PPP6R3: variants seen among roughly 807,000 people sequenced by gnomAD.
The protein encoded by PPP6R3 is protein phosphatase 6 regulatory subunit 3.
A neutral mutation model predicts 110.7 loss-of-function variants in PPP6R3; 38 were observed. The observed-to-expected ratio is 0.34, with a 90% CI of 0.26 to 0.45. The LOEUF is 0.45. Among genes scored for constraint, PPP6R3 ranks in the 20% least tolerant of loss-of-function variants. PPP6R3 has a pLI of 1.00. For synonymous variants in PPP6R3, 369 were observed against 373.5 expected (o/e 0.99, Z 0.14); for missense variants, 870 against 1,062.4 (o/e 0.82, Z 2.52).
chr11:68,508,978 C>G (rs2099093661), intron 1 of PPP6R3, among the ~76,000 whole-genome samples: 1 of 152,196 alleles, frequency 6.6e-6, no homozygotes, highest in Non-Finnish European at 1.5e-5. Context: ...TTCATTTCCT[C>G]TAAGAGAATA....
chr11:68,598,449 C>T (rs149394645), intron 19 of PPP6R3, among the ~76,000 whole-genome samples: 1 of 152,258 alleles, frequency 6.6e-6, no homozygotes, highest in Non-Finnish European at 1.5e-5. Flanking sequence ...GTTTACCTAC[C>T]TCCCGGGGTT....
At position 68,469,673 on chromosome 11, in the gene PPP6R3, C is replaced by A. The variant is rs549104451; in HGVS notation, c.-158+8846C>A. Among the ~76,000 whole-genome samples the A allele has an allele frequency of 7.6e-4, 115 of 152,190 alleles. No individual in the cohort carries two copies. The Middle Eastern group carries it at 0.014, about 18-fold the overall frequency. ...AGATAACAGGTGTGAACTACCATGC[C>A]TGGCCTCTAATCTGTTTTTTTATTT... is the stretch of plus-strand genomic sequence containing the variant. On this transcript the variant is annotated intron_variant, in intron 1 of 23. Transcript: ENST00000393800.
intron 2 of PPP6R3, among the ~76,000 whole-genome samples, chr11:68,535,799 TAAAA>T (rs1269536453): frequency 1.3e-5 from 1 of 78,388 alleles, no homozygotes; most frequent in Admixed American, 1.5e-4. Context: ...CCGTCTCTAC[TAAAA>T]AAAAAAAAAA....
At position 68,615,177 on chromosome 11, in the gene PPP6R3, G is replaced by A. The variant is rs1384850913; in HGVS notation, c.*2060G>A. 1 of 442,614 alleles carries A rather than the reference G, an allele frequency of 2.3e-6. No homozygotes were observed. Among genetic ancestry groups the A allele is most frequent in the Non-Finnish European group, 4.6e-6 (1 of 218,236 alleles). 27.4% of individuals were successfully genotyped at this position (442,614 alleles called of 1,614,324 possible). A position where few individuals can be genotyped will look rare whatever the true frequency, so the allele number is the denominator to read the frequency against. On this transcript the variant is annotated 3_prime_UTR_variant, in exon 24 of 24. Coordinates refer to ENST00000393800, the MANE Select transcript of PPP6R3 (RefSeq NM_001164161.2). ...AGGACAGTTCTTTTGGAGGTTGGAG[G>A]GGCCAAGCCAAGGACAGGAGCAAGT...
intron 7 of PPP6R3, among the ~76,000 whole-genome samples, chr11:68,557,677 C>G (rs1343413960): frequency 1.3e-5 from 2 of 152,138 alleles, no homozygotes; most frequent in Non-Finnish European, 2.9e-5. Context: ...CACCACGAGG[C>G]CCGGCTAATT....
At chr11:68,607,797 G>A (rs1941083380) in intron 22 of PPP6R3, among the ~76,000 whole-genome samples, 1 of 148,936 alleles carries the variant, frequency 6.7e-6, no homozygotes, top group Non-Finnish European at 1.5e-5. Context: ...TTTTTAACAC[G>A]AGGTCTCGCT....
rs1944865260 is a variant in PPP6R3, at chr11:68,614,634, G to T, written c.*1517G>T. The stretch of plus-strand genomic sequence containing the variant: ...CTGATTTCCTTTTTCATTTTAAGTG[G>T]TGTGGAGATTCCAGCACTCCCAGGA... On this transcript the variant is annotated 3_prime_UTR_variant, in exon 24 of 24. Coordinates refer to ENST00000393800, the MANE Select transcript of PPP6R3 (RefSeq NM_001164161.2). The T allele has an allele frequency of 1.3e-6, 2 of 1,517,298 alleles. No individual in the cohort carries two copies. The highest frequency in any genetic ancestry group is 2.8e-5 in the African/African-American group (2 of 70,696). 94.0% of individuals were successfully genotyped at this position (1,517,298 alleles called of 1,614,324 possible).
intron 5 of PPP6R3, among the ~76,000 whole-genome samples, chr11:68,550,480 C>G (rs962407531): frequency 6.6e-6 from 1 of 152,078 alleles, no homozygotes; most frequent in African/African-American, 2.4e-5. Flanking sequence ...ATGATTTTTC[C>G]TTTATTTTTT....
At chr11:68,501,181 T>TC (rs1446074580) in intron 1 of PPP6R3, among the ~76,000 whole-genome samples, 3 of 152,270 alleles carry the variant, frequency 2.0e-5, no homozygotes, top group Non-Finnish European at 4.4e-5. Flanking sequence ...TAAGGGTTGA[T>TC]AACTCAAAAT....
intron 19 of PPP6R3, among the ~76,000 whole-genome samples, chr11:68,599,106 A>G (rs2099622742): frequency 6.6e-6 from 1 of 152,212 alleles, no homozygotes; most frequent in Non-Finnish European, 1.5e-5. Flanking sequence ...GTACTTCTTA[A>G]TCTTAGTCAC....
chr11:68,565,898 G>A (rs1438713116), intron 9 of PPP6R3, among the ~76,000 whole-genome samples: 1 of 152,116 alleles, frequency 6.6e-6, no homozygotes, highest in Admixed American at 6.5e-5. Context: ...GCAGAACTGT[G>A]GGCCTTACAG....
intron 1 of PPP6R3, among the ~76,000 whole-genome samples, chr11:68,482,705 G>GA (rs1388190627): frequency 6.6e-6 from 1 of 151,700 alleles, no homozygotes; most frequent in African/African-American, 2.4e-5. Context: ...TATTTATTTT[G>GA]AAAAAAATTA....
intron 6 of PPP6R3, 45 bp from the exon 7 acceptor site, chr11:68,554,100 A>G: frequency 7.4e-7 from 1 of 1,352,884 alleles, no homozygotes; most frequent in Non-Finnish European, 1.0e-6. Context: ...TATAAATTTA[A>G]CTTCTAACAT....
intron 3 of PPP6R3, 84 bp downstream of exon 3, chr11:68,537,975 G>T (rs2099279103): frequency 9.5e-7 from 1 of 1,047,226 alleles, no homozygotes; most frequent in Non-Finnish European, 1.4e-6. Context: ...GGATTCTCCA[G>T]TGTGACTGTT....
intron 1 of PPP6R3, among the ~76,000 whole-genome samples, chr11:68,486,275 T>G (rs972298733): frequency 6.6e-6 from 1 of 152,088 alleles, no homozygotes; most frequent in African/African-American, 2.4e-5. Flanking sequence ...TTTGGTATTA[T>G]GGTTATGCTG....
chr11:68,614,655 C>G lies in PPP6R3; in HGVS notation c.*1538C>G, dbSNP rs1944871974. On this transcript the variant is annotated 3_prime_UTR_variant, in exon 24 of 24. Coordinates refer to ENST00000393800, the MANE Select transcript of PPP6R3 (RefSeq NM_001164161.2). ...AGTGGTGTGGAGATTCCAGCACTCC[C>G]AGGACAGTGGAGTCAGCAGTAAGCC... is the stretch of plus-strand genomic sequence containing the variant. 1.3e-6 allele frequency: 2 copies of G among 1,520,016 alleles called. No homozygotes were observed. Among genetic ancestry groups the G allele is most frequent in the East Asian group, 2.4e-5 (1 of 40,848 alleles). 94.2% of individuals were successfully genotyped at this position (1,520,016 alleles called of 1,614,324 possible).
In PPP6R3 at chr11:68,519,481, CT is replaced by C. The variant is rs1018500652; in HGVS notation, c.-157-10del. 795 of 343,386 alleles carry C rather than the reference CT, an allele frequency of 2.3e-3. 1 individual carries two copies. Among genetic ancestry groups the C allele is most frequent in the Middle Eastern group, 0.019 (25 of 1,310 alleles). The allele number at this position is 343,386 out of a possible 1,614,324, so 21.3% of individuals were successfully genotyped here. A position where few individuals can be genotyped will look rare whatever the true frequency, so the allele number is the denominator to read the frequency against. On this transcript the variant is annotated intron_variant, in intron 1 of 23. Transcript: ENST00000393800. ...AAAAGAGAACATATGTGATTATCTG[CT>C]TTTTTTTTTCTTTTACAGGAGAGCT...
intron 4 of PPP6R3, among the ~76,000 whole-genome samples, chr11:68,547,454 C>T (rs149845679): frequency 1.3e-5 from 2 of 152,122 alleles, no homozygotes; most frequent in Non-Finnish European, 2.9e-5. Context: ...AGACCAGCAG[C>T]AGGGGCCTGA....
At chr11:68,584,790 T>C (rs2099573057) in intron 15 of PPP6R3, among the ~76,000 whole-genome samples, 1 of 152,230 alleles carries the variant, frequency 6.6e-6, no homozygotes, top group Non-Finnish European at 1.5e-5. Flanking sequence ...ACCCACTTCA[T>C]ATGAACTTTT....
Sources: allele counts gnomAD v4.1 joint callset (sites outside exome capture counted in the v4.1 genomes callset), GRCh38; gene constraint gnomAD v4.1.1; transcripts MANE v1.5; gene names NCBI Gene and HGNC (gene_info 2026-07-23, HGNC 2026-07-21).